The following RORB variants were observed in gnomAD, a reference collection of about 807,000 sequenced individuals.
RORB encodes the protein RAR related orphan receptor B, also known as nuclear receptor ROR-beta.
RORB carries 6 observed loss-of-function variants against 59.1 expected under a neutral mutation model. The observed-to-expected ratio is 0.10, with a 90% CI of 0.06 to 0.20. RORB has a LOEUF of 0.20. RORB is among the 10% of genes least tolerant of loss of function. RORB has a pLI of 1.00. For synonymous variants in RORB, 215 were observed against 204.5 expected (o/e 1.05, Z -0.44); for missense variants, 320 against 560.5 (o/e 0.57, Z 4.33).
intron 1 of RORB, among the ~76,000 whole-genome samples, chr9:74,530,046 T>C (rs1213628586): frequency 3.9e-5 from 6 of 152,046 alleles, no homozygotes; most frequent in Non-Finnish European, 8.8e-5. Flanking sequence ...TCATCCCAAA[T>C]GTATAAGCAC....
intron 1 of RORB, among the ~76,000 whole-genome samples, chr9:74,524,660 A>G (rs752559104): frequency 2.6e-5 from 4 of 151,908 alleles, no homozygotes; most frequent in African/African-American, 9.7e-5. Flanking sequence ...TTTAACCACT[A>G]TTGATTCTTT....
chr9:74,562,532 C>T (rs1822410125), intron 1 of RORB, among the ~76,000 whole-genome samples: 3 of 152,186 alleles, frequency 2.0e-5, no homozygotes. Context: ...CACTGTCTTG[C>T]TAGTTTGCCT....
At chr9:74,559,475 C>A (rs1321742238) in intron 1 of RORB, among the ~76,000 whole-genome samples, 2 of 152,240 alleles carry the variant, frequency 1.3e-5, no homozygotes, top group East Asian at 1.9e-4. Flanking sequence ...TTTCATATAA[C>A]CTTAGCTACC....
At chr9:74,522,644 A>G (rs1398715834) in intron 1 of RORB, among the ~76,000 whole-genome samples, 5 of 151,770 alleles carry the variant, frequency 3.3e-5, no homozygotes, top group Admixed American at 3.3e-4. Context: ...ATTGTCTGTC[A>G]CTTGCTTCCT....
At chr9:74,546,233 C>A (rs1046241743) in intron 1 of RORB, among the ~76,000 whole-genome samples, 1 of 152,114 alleles carries the variant, frequency 6.6e-6, no homozygotes, top group Non-Finnish European at 1.5e-5. Context: ...TGGTAGAAAT[C>A]TGGGTTTACC....
chr9:74,649,751 T>C lies in RORB; in HGVS notation c.637+6936T>C, dbSNP rs374012643. Among the ~76,000 whole-genome samples, 295 of 152,306 alleles carry C rather than the reference T, an allele frequency of 1.9e-3. 13 individuals carry two copies. The South Asian group carries it at 0.06, about 31-fold the overall frequency. Reference sequence around the variant, plus strand: ...AAACAACACACACATATATGCTCAATTCAAGTACTCATAGACATACATATC... The same window carrying C: ...AAACAACACACACATATATGCTCAACTCAAGTACTCATAGACATACATATC... On this transcript the variant is annotated intron_variant, in intron 4 of 9. Coordinates refer to ENST00000376896, the MANE Select transcript of RORB (RefSeq NM_006914.4).
intron 4 of RORB, among the ~76,000 whole-genome samples, chr9:74,652,867 C>T (rs569640653): frequency 1.9e-4 from 29 of 152,190 alleles, no homozygotes; most frequent in East Asian, 1.2e-3. Context: ...CTTGAGGAAA[C>T]GAAATGCTAA....
At chr9:74,547,239 T>C (rs1587353529) in intron 1 of RORB, among the ~76,000 whole-genome samples, 1 of 151,994 alleles carries the variant, frequency 6.6e-6, no homozygotes, top group Admixed American at 6.6e-5. Context: ...AGAGCAAGAA[T>C]GGAAGAGATG....
rs535606955 is a variant in RORB, at chr9:74,662,707, G to A, written c.892+101G>A. On this transcript the variant is annotated intron_variant, in intron 6 of 9. Transcript: ENST00000376896. ...AAATCCTCCTTCCGATATGCAGCTC[G>A]TTTCTACCACCCACATTGTCAGCCA... 595 of 1,251,580 alleles carry A rather than the reference G, an allele frequency of 4.8e-4. 7 individuals carry two copies. The South Asian group carries it at 7.7e-3, about 16-fold the overall frequency. The allele number at this position is 1,251,580 out of a possible 1,614,324, so 77.5% of individuals were successfully genotyped here.
chr9:74,588,266 A>G (rs1822836620), intron 1 of RORB, among the ~76,000 whole-genome samples: 1 of 152,150 alleles, frequency 6.6e-6, no homozygotes, highest in Non-Finnish European at 1.5e-5. Context: ...AAATTGAAGG[A>G]TTTGGGCTAA....
chr9:74,636,485 CG>C (rs1823705007), intron 3 of RORB, among the ~76,000 whole-genome samples: 1 of 152,078 alleles, frequency 6.6e-6, no homozygotes, highest in Non-Finnish European at 1.5e-5. Flanking sequence ...AAAATTTAGA[CG>C]GTCTGAATCC....
chr9:74,522,470 G>A (rs1333956051), intron 1 of RORB, among the ~76,000 whole-genome samples: 3 of 151,708 alleles, frequency 2.0e-5, no homozygotes, highest in African/African-American at 4.8e-5. Context: ...TATTGTCTGA[G>A]TTACCTGTAT....
intron 1 of RORB, among the ~76,000 whole-genome samples, chr9:74,571,487 TG>T (rs1822551083): frequency 6.6e-6 from 1 of 152,114 alleles, no homozygotes; most frequent in Non-Finnish European, 1.5e-5. Context: ...CTCTATTCAC[TG>T]TCTCACATTT....
At chr9:74,625,947 G>A (rs1019182974) in intron 1 of RORB, among the ~76,000 whole-genome samples, 1 of 152,134 alleles carries the variant, frequency 6.6e-6, no homozygotes, top group African/African-American at 2.4e-5. Context: ...TAAGAGTTAA[G>A]GTATTTTGTT....
At chr9:74,660,451 A>C (rs1037220533) in intron 4 of RORB, among the ~76,000 whole-genome samples, 166 bp from the exon 5 acceptor site, 1 of 152,222 alleles carries the variant, frequency 6.6e-6, no homozygotes, top group African/African-American at 2.4e-5. Context: ...AATTGAAAAA[A>C]TGCAATAAAG....
At chr9:74,551,882 G>T (rs1047927674) in intron 1 of RORB, among the ~76,000 whole-genome samples, 66 of 152,118 alleles carry the variant, frequency 4.3e-4, no homozygotes, top group African/African-American at 1.5e-3. Context: ...CCAAAAATAT[G>T]GTATCCAGTG....
chr9:74,592,935 C>A (rs78944102), intron 1 of RORB, among the ~76,000 whole-genome samples: 3 of 151,980 alleles, frequency 2.0e-5, no homozygotes, highest in African/African-American at 7.3e-5. Flanking sequence ...AGAAGGCCTG[C>A]GAGGAGCTTT....
At chr9:74,529,284 A>G (rs7867494) in intron 1 of RORB, among the ~76,000 whole-genome samples, 41,380 of 151,726 alleles carry the variant, frequency 0.27, 6,348 homozygotes, top group East Asian at 0.75. Flanking sequence ...TGTCATGGAA[A>G]CAAGACTGAA....
chr9:74,519,697 G>A (rs1391326263), intron 1 of RORB, among the ~76,000 whole-genome samples: 2 of 152,048 alleles, frequency 1.3e-5, no homozygotes, highest in African/African-American at 2.4e-5. Context: ...ACAGTCTGTC[G>A]TCTCCGAAGC....
Sources: allele counts gnomAD v4.1 joint callset (sites outside exome capture counted in the v4.1 genomes callset), GRCh38; gene constraint gnomAD v4.1.1; transcripts MANE v1.5; gene names NCBI Gene and HGNC (gene_info 2026-07-23, HGNC 2026-07-21).